MLLT3: variants seen among roughly 807,000 people sequenced by gnomAD.
MLLT3 encodes the protein protein AF-9.
MLLT3 carries 4 observed loss-of-function variants against 53.2 expected under a neutral mutation model. That is an observed-to-expected ratio of 0.08 (90% CI 0.04 to 0.17). The LOEUF (loss-of-function observed/expected upper bound fraction) is 0.17, where lower values mean the gene tolerates loss of function less well. Ranked by LOEUF, MLLT3 falls within the 10% of genes least tolerant of loss-of-function variation. The pLI is 1.00. For missense variants in MLLT3, 569 were observed against 684.0 expected, an observed-to-expected ratio of 0.83 and a Z score of 1.87; for synonymous variants, 283 against 230.6, an observed-to-expected ratio of 1.23 and a Z score of -2.06.
chr9:20,555,436 C>CAG (rs1819033057), intron 2 of MLLT3, among the ~76,000 whole-genome samples: 1 of 152,088 alleles, frequency 6.6e-6, no homozygotes, highest in African/African-American at 2.4e-5. Context: ...CGTGAGCCAC[C>CAG]AGACCCAGGC....
At chr9:20,615,230 A>C (rs919418368) in intron 2 of MLLT3, among the ~76,000 whole-genome samples, 2 of 151,932 alleles carry the variant, frequency 1.3e-5, no homozygotes, top group South Asian at 2.1e-4. Flanking sequence ...CCACGCCTAT[A>C]GTCTGAGCTG....
intron 4 of MLLT3, among the ~76,000 whole-genome samples, chr9:20,439,958 T>C (rs1823503250): frequency 2.6e-5 from 4 of 152,130 alleles, no homozygotes; most frequent in Admixed American, 2.6e-4. Flanking sequence ...TTCTTTCTGG[T>C]AGAACATTAT....
At chr9:20,535,606 C>T (rs1355981350) in intron 2 of MLLT3, among the ~76,000 whole-genome samples, 1 of 152,000 alleles carries the variant, frequency 6.6e-6, no homozygotes, top group African/African-American at 2.4e-5. Flanking sequence ...TGAAAGAAAA[C>T]CATATTCTAT....
intron 2 of MLLT3, among the ~76,000 whole-genome samples, chr9:20,462,916 C>T (rs1337406973): frequency 6.6e-6 from 1 of 151,910 alleles, no homozygotes; most frequent in Admixed American, 6.6e-5. Context: ...AAAGTGTGAA[C>T]AAAGGCATCA....
intron 2 of MLLT3, among the ~76,000 whole-genome samples, chr9:20,502,093 A>AGG (rs66552889): frequency 3.9e-4 from 35 of 88,912 alleles, no homozygotes; most frequent in African/African-American, 1.2e-3. Context: ...AAAAAAAAAA[A>AGG]GGGGGGGGGG....
chr9:20,485,967 T>C (rs139995785), intron 2 of MLLT3, among the ~76,000 whole-genome samples: 4 of 152,198 alleles, frequency 2.6e-5, no homozygotes, highest in Non-Finnish European at 5.9e-5. Context: ...ATAGCACTTC[T>C]TGAATAATGT....
intron 2 of MLLT3, among the ~76,000 whole-genome samples, chr9:20,493,989 C>T (rs1294181888): frequency 1.3e-5 from 2 of 152,086 alleles, no homozygotes; most frequent in Admixed American, 1.3e-4. Flanking sequence ...CCAACATACT[C>T]AACCATCTGA....
At chr9:20,603,014 T>A (rs1203376916) in intron 2 of MLLT3, among the ~76,000 whole-genome samples, 1 of 152,112 alleles carries the variant, frequency 6.6e-6, no homozygotes, top group Non-Finnish European at 1.5e-5. Context: ...TCCCTCTATA[T>A]ATGAAAGATC....
At position 20,620,330 on chromosome 9, in the gene MLLT3, A is replaced by C. The variant is rs1820963535; in HGVS notation, c.193+324T>G. On this transcript the variant is annotated intron_variant, in intron 2 of 10. Coordinates refer to ENST00000380338, the MANE Select transcript of MLLT3 (RefSeq NM_004529.4). This position sits in a 1 kb window ranked among gnomAD's most constrained non-coding sequence, Gnocchi z 6.1. ...TTTATTCCCTCCAGCCCGATTCCCC[A>C]CATCTCCAAACTCAACAACTAATTG... is the stretch of plus-strand genomic sequence containing the variant. 1.3e-5 allele frequency among the ~76,000 whole-genome samples: 2 copies of C among 150,822 alleles called. No homozygotes were observed. The highest frequency in any genetic ancestry group is 4.2e-4 in the South Asian group (2 of 4,742).
In MLLT3 at chr9:20,472,385, G is replaced by A. The variant is rs74690099; in HGVS notation, c.194-15599C>T. Among the ~76,000 whole-genome samples, 1,378 of 151,848 alleles carry A rather than the reference G, an allele frequency of 9.1e-3. 39 individuals are homozygous for A. In the East Asian group the frequency reaches 0.12, roughly 13 times the overall value. The stretch of plus-strand genomic sequence containing the variant: ...TTCACTTATTCCTTTCCCAAACATC[G>A]CACATTTATTATACACCAGGACTAA... On this transcript the variant is annotated intron_variant, in intron 2 of 10. Coordinates refer to ENST00000380338, the MANE Select transcript of MLLT3 (RefSeq NM_004529.4).
At chr9:20,395,040 C>A (rs1357608088) in intron 5 of MLLT3, among the ~76,000 whole-genome samples, 1 of 152,100 alleles carries the variant, frequency 6.6e-6, no homozygotes, top group Non-Finnish European at 1.5e-5. Context: ...ATGGTCACCA[C>A]CTGTGAAGCT....
intron 4 of MLLT3, among the ~76,000 whole-genome samples, chr9:20,447,516 TTA>T (rs1482583359): frequency 6.6e-6 from 1 of 152,128 alleles, no homozygotes; most frequent in Non-Finnish European, 1.5e-5. Context: ...CACCAAATGT[TTA>T]TGTTTCCAAG....
At chr9:20,541,808 C>T (rs1036840517) in intron 2 of MLLT3, among the ~76,000 whole-genome samples, 1 of 152,164 alleles carries the variant, frequency 6.6e-6, no homozygotes, top group African/African-American at 2.4e-5. Flanking sequence ...TGCCGAAATT[C>T]AGTCATATCT....
intron 1 of MLLT3, 110 bp downstream of exon 1, chr9:20,622,135 C>G (rs890605543): frequency 7.8e-7 from 1 of 1,283,222 alleles, no homozygotes; most frequent in Non-Finnish European, 1.1e-6. Context: ...GCCGTACCAA[C>G]CTTTCTCTAA....
At chr9:20,360,155 AATC>A (rs1821278077) in intron 8 of MLLT3, among the ~76,000 whole-genome samples, 1 of 152,206 alleles carries the variant, frequency 6.6e-6, no homozygotes, top group African/African-American at 2.4e-5. Context: ...CCCAAGTAAT[AATC>A]CTTCTATCTT....
At chr9:20,599,376 A>T (rs1820358736) in intron 2 of MLLT3, among the ~76,000 whole-genome samples, 1 of 151,798 alleles carries the variant, frequency 6.6e-6, no homozygotes. Context: ...ATACAATCCT[A>T]AGACATAAAG....
intron 2 of MLLT3, among the ~76,000 whole-genome samples, chr9:20,578,350 G>A (rs1264829220): frequency 2.0e-5 from 3 of 152,114 alleles, no homozygotes; most frequent in African/African-American, 4.8e-5. Context: ...ATGAAAAACA[G>A]GGATTGATTA....
intron 2 of MLLT3, among the ~76,000 whole-genome samples, chr9:20,505,112 GGGGTGTTGGT>G (rs1381586015): frequency 6.6e-6 from 1 of 152,174 alleles, no homozygotes; most frequent in Non-Finnish European, 1.5e-5. Flanking sequence ...GGTTGCTGGT[GGGGTGTTGGT>G]GGTAATCAAA....
At chr9:20,348,634 A>G (rs1168430102) in intron 10 of MLLT3, among the ~76,000 whole-genome samples, 1 of 152,216 alleles carries the variant, frequency 6.6e-6, no homozygotes, top group Non-Finnish European at 1.5e-5. Context: ...ACTTGCTTAA[A>G]CCACTAGACT....
Sources: allele counts gnomAD v4.1 joint callset (sites outside exome capture counted in the v4.1 genomes callset), GRCh38; gene constraint gnomAD v4.1.1; non-coding constraint Gnocchi (gnomAD v3.1); transcripts MANE v1.5; gene names NCBI Gene and HGNC (gene_info 2026-07-23, HGNC 2026-07-21).